The following PTGFRN variants were observed in gnomAD, a reference collection of about 807,000 sequenced individuals.
PTGFRN encodes prostaglandin F2 receptor inhibitor, also known as prostaglandin F2 receptor negative regulator.
Under a neutral mutation model 83.2 loss-of-function variants are expected in PTGFRN, and 35 were observed. That is an observed-to-expected ratio of 0.42 (90% CI 0.32 to 0.56). The LOEUF is 0.56. PTGFRN is among the 20% of genes least tolerant of loss of function. The pLI is 0.11. For synonymous variants in PTGFRN, 519 were observed against 498.6 expected (o/e 1.04, Z -0.55); for missense variants, 1,051 against 1,179.5 (o/e 0.89, Z 1.60).
intron 1 of PTGFRN, among the ~76,000 whole-genome samples, chr1:116,938,266 T>C: frequency 6.6e-6 from 1 of 152,154 alleles, no homozygotes; most frequent in East Asian, 1.9e-4. Flanking sequence ...CCCAGCACTC[T>C]GAGAGGCCAA....
intron 1 of PTGFRN, among the ~76,000 whole-genome samples, chr1:116,935,555 G>A (rs1273855936): frequency 1.3e-5 from 2 of 152,118 alleles, no homozygotes; most frequent in African/African-American, 2.4e-5. Context: ...AAATCTAAAA[G>A]TAGAAATCTC....
rs1431569303 is a variant in PTGFRN, at chr1:116,941,391, T to A, written c.50-324T>A. On this transcript the variant is annotated intron_variant, in intron 1 of 8. Coordinates refer to ENST00000393203, the MANE Select transcript of PTGFRN (RefSeq NM_020440.4). The surrounding 1 kb of genome is among the most constrained non-coding windows in gnomAD (Gnocchi z 5.0). ...ACACAAAACCTAAAATATTTTTACA[T>A]CACATGGAGTGGTTAGGGTGTGTTA... 1.3e-5 allele frequency among the ~76,000 whole-genome samples: 2 copies of A among 152,132 alleles called. No individual in the cohort carries two copies.
At chr1:116,936,572 T>G (rs1235049250) in intron 1 of PTGFRN, among the ~76,000 whole-genome samples, 1 of 152,204 alleles carries the variant, frequency 6.6e-6, no homozygotes, top group Non-Finnish European at 1.5e-5. Context: ...TGCAGCTGCT[T>G]CTTACAAGAG....
intron 7 of PTGFRN, among the ~76,000 whole-genome samples, chr1:116,977,108 G>A (rs1041785780): frequency 6.6e-6 from 1 of 150,642 alleles, no homozygotes; most frequent in African/African-American, 2.4e-5. Flanking sequence ...AACCAACAAA[G>A]ATCAAAAGAG....
chr1:116,952,468 GA>G lies in PTGFRN; in HGVS notation c.1213+2904del, dbSNP rs1387604246. Reference sequence around the variant, plus strand: ...ATGTATGTCCTACTTTAAAGGGAAAGAAAAAAAAGATTTAAGTTGGCTTGCA... The same window carrying G: ...ATGTATGTCCTACTTTAAAGGGAAAGAAAAAAAGATTTAAGTTGGCTTGCA... On this transcript the variant is annotated intron_variant, in intron 4 of 8. Transcript: ENST00000393203. The surrounding 1 kb of genome is among the most constrained non-coding windows in gnomAD (Gnocchi z 4.0). Among the ~76,000 whole-genome samples, 8 of 151,836 alleles carry G rather than the reference GA, an allele frequency of 5.3e-5. No individual in the cohort carries two copies. The highest frequency in any genetic ancestry group is 2.1e-4 in the South Asian group (1 of 4,810).
In PTGFRN at chr1:116,984,774, C is replaced by T. The variant is rs377481837; in HGVS notation, c.2262C>T (p.Ile754=). 2.3e-5 allele frequency: 37 copies of T among 1,613,944 alleles called. No homozygotes were observed. Among genetic ancestry groups the T allele is most frequent in the Middle Eastern group, 1.6e-4 (1 of 6,084 alleles). The change falls in exon 8 of 9, where the codon ATC becomes ATT. Residue 754 remains isoleucine, a synonymous_variant. Transcript: ENST00000393203. ...VLLSSLDRKG[I]VTTSRRDWKS... is the part of the protein sequence containing the mutation. ...TGTCTTCCCTGGATCGGAAGGGCAT[C>T]GTGACCACCTCCCGGAGGGACTGGA... is the stretch of plus-strand genomic sequence containing the variant.
chr1:116,976,265 A>G (rs1651153329), intron 7 of PTGFRN, among the ~76,000 whole-genome samples: 2 of 152,228 alleles, frequency 1.3e-5, no homozygotes, highest in African/African-American at 4.8e-5. Context: ...CCTGAAAGTG[A>G]TGGGGAGAAT....
At chr1:116,929,492 G>A (rs1205492567) in intron 1 of PTGFRN, among the ~76,000 whole-genome samples, 4 of 152,126 alleles carry the variant, frequency 2.6e-5, no homozygotes, top group Non-Finnish European at 4.4e-5. Flanking sequence ...CATTCATTGT[G>A]ATCAGTCACA....
intron 6 of PTGFRN, among the ~76,000 whole-genome samples, chr1:116,969,453 A>G (rs1172061252): frequency 6.6e-6 from 1 of 152,222 alleles, no homozygotes; most frequent in East Asian, 1.9e-4. Flanking sequence ...TATTTCAGTG[A>G]TCTAGATTTC....
chr1:116,942,866 T>C (rs1650095111), intron 2 of PTGFRN, among the ~76,000 whole-genome samples: 1 of 152,242 alleles, frequency 6.6e-6, no homozygotes, highest in Non-Finnish European at 1.5e-5. Context: ...TAGGGCAGAA[T>C]ATTTCCCTAA....
At chr1:116,930,992 T>C (rs1256243635) in intron 1 of PTGFRN, among the ~76,000 whole-genome samples, 8 of 152,234 alleles carry the variant, frequency 5.3e-5, no homozygotes, top group Non-Finnish European at 1.5e-5. Context: ...GGAAATGTCC[T>C]CATTCTCTTT....
chr1:116,959,803 G>C (rs769847410), intron 4 of PTGFRN, among the ~76,000 whole-genome samples: 1 of 151,986 alleles, frequency 6.6e-6, no homozygotes, highest in African/African-American at 2.4e-5. Context: ...GCAAAACCCT[G>C]TCTCTACTAA....
chr1:116,973,391 G>GGTC (rs1336856158), intron 6 of PTGFRN, among the ~76,000 whole-genome samples: 1 of 152,042 alleles, frequency 6.6e-6, no homozygotes, highest in Non-Finnish European at 1.5e-5. Context: ...GATCACTTGA[G>GGTC]GTCAGGGGTT....
intron 7 of PTGFRN, among the ~76,000 whole-genome samples, chr1:116,978,132 A>G (rs894583796): frequency 9.8e-5 from 15 of 152,336 alleles, no homozygotes; most frequent in African/African-American, 2.9e-4. Flanking sequence ...GAAGAAATGG[A>G]TGAATTCCTG....
At chr1:116,936,115 T>C (rs1649916430) in intron 1 of PTGFRN, among the ~76,000 whole-genome samples, 1 of 152,210 alleles carries the variant, frequency 6.6e-6, no homozygotes, top group Non-Finnish European at 1.5e-5. Flanking sequence ...AGTTATCAAC[T>C]GTTACAAAAG....
intron 3 of PTGFRN, 148 bp downstream of exon 3, chr1:116,945,240 A>G: frequency 9.4e-7 from 1 of 1,066,536 alleles, no homozygotes; most frequent in Non-Finnish European, 1.3e-6. Flanking sequence ...TGAAGGGAGT[A>G]GGGTGTTGAG....
At chr1:116,975,209 G>A (rs1181023294) in intron 7 of PTGFRN, among the ~76,000 whole-genome samples, 1 of 152,222 alleles carries the variant, frequency 6.6e-6, no homozygotes, top group Non-Finnish European at 1.5e-5. Flanking sequence ...GCTTAAGTAG[G>A]TAAACAGAGC....
chr1:116,931,511 T>A (rs1649802378), intron 1 of PTGFRN, among the ~76,000 whole-genome samples: 1 of 151,034 alleles, frequency 6.6e-6, no homozygotes, highest in African/African-American at 2.4e-5. Flanking sequence ...TTTTTTTTTT[T>A]AATGATTATA....
chr1:116,954,991 G>A (rs367742575), intron 4 of PTGFRN, among the ~76,000 whole-genome samples: 1 of 152,332 alleles, frequency 6.6e-6, no homozygotes, highest in East Asian at 1.9e-4. Context: ...AAATTGTCAT[G>A]AGAGTAAAAG....
Sources: gnomAD v4.1 joint callset for allele counts (sites outside exome capture counted in the v4.1 genomes callset) on GRCh38, gnomAD v4.1.1 for gene constraint, Gnocchi (gnomAD v3.1) non-coding constraint, MANE v1.5 for transcripts, NCBI Gene and HGNC (gene_info 2026-07-23, HGNC 2026-07-21) for gene names.